PCDH9: variants seen among roughly 807,000 people sequenced by gnomAD.
PCDH9 encodes protocadherin 9.
A neutral mutation model predicts 70.6 loss-of-function variants in PCDH9; 24 were observed. The ratio of observed to expected loss-of-function variants is 0.34; its 90% CI spans 0.25 to 0.48. The LOEUF (loss-of-function observed/expected upper bound fraction) is 0.48. PCDH9 is among the 20% of genes least tolerant of loss of function. The pLI is 0.99. For missense variants in PCDH9, 1,281 were observed against 1,503.6 expected (o/e 0.85, Z 2.45); for synonymous variants, 562 against 558.5 (o/e 1.01, Z -0.09).
chr13:66,625,817 CA>C (rs1269199124), intron 4 of PCDH9, among the ~76,000 whole-genome samples: 1 of 151,996 alleles, frequency 6.6e-6, no homozygotes, highest in African/African-American at 2.4e-5. Context: ...CGCACCACCA[CA>C]CCTGGCTCAT....
At chr13:66,342,766 C>T (rs1337937812) in intron 4 of PCDH9, among the ~76,000 whole-genome samples, 3 of 143,670 alleles carry the variant, frequency 2.1e-5, no homozygotes, top group East Asian at 2.1e-4. Context: ...CCCGCCACCA[C>T]ATCCGGCTGA....
chr13:66,806,221 AT>A (rs1165861773), intron 3 of PCDH9, among the ~76,000 whole-genome samples: 1 of 152,088 alleles, frequency 6.6e-6, no homozygotes, highest in East Asian at 1.9e-4. Flanking sequence ...TTAAAATTTG[AT>A]TTAATTTTTT....
intron 2 of PCDH9, among the ~76,000 whole-genome samples, chr13:67,149,710 TA>T (rs961467307): frequency 2.0e-4 from 30 of 151,154 alleles, no homozygotes; most frequent in Admixed American, 3.3e-4. Context: ...TTGCTTTGTA[TA>T]AAAAAAAACC....
At chr13:67,135,430 T>C (rs907441962) in intron 2 of PCDH9, among the ~76,000 whole-genome samples, 2 of 152,124 alleles carry the variant, frequency 1.3e-5, no homozygotes, top group African/African-American at 4.8e-5. Context: ...TTTTACCCCA[T>C]AGATCTCATT....
intron 4 of PCDH9, among the ~76,000 whole-genome samples, chr13:66,338,133 C>T (rs945121795): frequency 6.6e-6 from 1 of 152,076 alleles, no homozygotes; most frequent in Non-Finnish European, 1.5e-5. Flanking sequence ...CTCAAAATTG[C>T]AAAGCTTCTT....
intron 2 of PCDH9, among the ~76,000 whole-genome samples, chr13:67,115,063 T>A (rs2086732204): frequency 6.6e-6 from 1 of 152,132 alleles, no homozygotes; most frequent in Admixed American, 6.5e-5. Flanking sequence ...TGGAGAAAAA[T>A]AATAGTACAT....
intron 2 of PCDH9, among the ~76,000 whole-genome samples, chr13:66,962,220 T>C (rs2083360841): frequency 6.6e-6 from 1 of 152,198 alleles, no homozygotes; most frequent in South Asian, 2.1e-4. Context: ...TTTGGTGATG[T>C]ATGACTAAGA....
intron 2 of PCDH9, among the ~76,000 whole-genome samples, chr13:67,070,733 A>T (rs1488059156): frequency 6.6e-6 from 1 of 152,160 alleles, no homozygotes; most frequent in East Asian, 1.9e-4. Flanking sequence ...ACAAAAAATC[A>T]CTGTGATCTG....
intron 3 of PCDH9, among the ~76,000 whole-genome samples, chr13:66,803,475 C>T (rs1465344536): frequency 6.6e-6 from 1 of 152,174 alleles, no homozygotes; most frequent in Non-Finnish European, 1.5e-5. Flanking sequence ...CTTAATGCCA[C>T]TCCTGAGCAT....
chr13:66,618,880 G>A (rs1364474743), intron 4 of PCDH9, among the ~76,000 whole-genome samples: 1 of 152,074 alleles, frequency 6.6e-6, no homozygotes, highest in East Asian at 1.9e-4. Flanking sequence ...CAGTACACCA[G>A]GGAAAGTTGA....
intron 3 of PCDH9, among the ~76,000 whole-genome samples, chr13:66,799,518 T>A (rs1396187354): frequency 6.6e-6 from 1 of 152,160 alleles, no homozygotes; most frequent in Non-Finnish European, 1.5e-5. Flanking sequence ...GTTCCTCTAA[T>A]AGATAGCAAT....
intron 4 of PCDH9, among the ~76,000 whole-genome samples, chr13:66,364,751 T>C (rs1479440777): frequency 6.6e-6 from 1 of 152,112 alleles, no homozygotes; most frequent in Non-Finnish European, 1.5e-5. Flanking sequence ...AGAGAACAAA[T>C]AGCTAGTTAC....
chr13:66,449,885 TTGTA>T (rs1958171365), intron 4 of PCDH9, among the ~76,000 whole-genome samples: 1 of 152,184 alleles, frequency 6.6e-6, no homozygotes, highest in South Asian at 2.1e-4. Flanking sequence ...ATTAGATTAA[TTGTA>T]TGTGAGAGAC....
chr13:66,707,959 A>G (rs1475096484), intron 3 of PCDH9, among the ~76,000 whole-genome samples: 1 of 152,198 alleles, frequency 6.6e-6, no homozygotes, highest in African/African-American at 2.4e-5. Flanking sequence ...TTCTCAGTAG[A>G]TTTCTCTTTA....
intron 4 of PCDH9, among the ~76,000 whole-genome samples, chr13:66,330,719 T>C (rs752883185): frequency 6.6e-6 from 1 of 152,188 alleles, no homozygotes; most frequent in Non-Finnish European, 1.5e-5. Flanking sequence ...CTTGTTTTAT[T>C]TGTACTTGAG....
At chr13:67,185,753 A>G (rs553578622) in intron 2 of PCDH9, among the ~76,000 whole-genome samples, 1 of 152,226 alleles carries the variant, frequency 6.6e-6, no homozygotes, top group African/African-American at 2.4e-5. Flanking sequence ...TTGTTTTGAG[A>G]TGGAGTTTCA....
At chr13:66,893,688 A>T (rs574681966) in intron 3 of PCDH9, among the ~76,000 whole-genome samples, 10 of 152,272 alleles carry the variant, frequency 6.6e-5, no homozygotes, top group Non-Finnish European at 7.4e-5. Context: ...ACGCAATAAC[A>T]TATACAACTA....
intron 2 of PCDH9, among the ~76,000 whole-genome samples, chr13:66,944,175 TAAC>T (rs1276119239): frequency 6.6e-6 from 1 of 152,148 alleles, no homozygotes; most frequent in Non-Finnish European, 1.5e-5. Flanking sequence ...TAATGCTTTT[TAAC>T]AACTGACCTA....
At chr13:67,147,194 A>G (rs2087543564) in intron 2 of PCDH9, among the ~76,000 whole-genome samples, 1 of 152,154 alleles carries the variant, frequency 6.6e-6, no homozygotes, top group Admixed American at 6.5e-5. Context: ...TTTTTTATTC[A>G]GTTTCTTATC....
Sources: gnomAD v4.1 joint callset for allele counts (sites outside exome capture counted in the v4.1 genomes callset) on GRCh38, gnomAD v4.1.1 for gene constraint, MANE v1.5 for transcripts, NCBI Gene and HGNC (gene_info 2026-07-23, HGNC 2026-07-21) for gene names.